NPEPPS: variants seen among roughly 807,000 people sequenced by gnomAD.
The protein encoded by NPEPPS is aminopeptidase puromycin sensitive.
In NPEPPS, 14 loss-of-function variants were observed where a neutral mutation model predicts 115.5. That is an observed-to-expected ratio of 0.12 (90% CI 0.08 to 0.19). The LOEUF (loss-of-function observed/expected upper bound fraction) is 0.19. Among genes scored for constraint, NPEPPS ranks in the 10% least tolerant of loss-of-function variants. NPEPPS has a pLI of 1.00. For synonymous variants in NPEPPS, 285 were observed against 390.6 expected (o/e 0.73, Z 3.19); for missense variants, 523 against 1,110.8 (o/e 0.47, Z 7.52).
intron 17 of NPEPPS, among the ~76,000 whole-genome samples, chr17:47,611,095 G>T (rs923406003): frequency 1.3e-4 from 20 of 151,450 alleles, no homozygotes; most frequent in African/African-American, 4.8e-4. Flanking sequence ...CTCATGATCC[G>T]CCTGCCTCAG....
chr17:47,609,461 G>C lies in NPEPPS; in HGVS notation c.2096-2999G>C, dbSNP rs115037922. Among the ~76,000 whole-genome samples, 1,079 of 152,246 alleles carry C rather than the reference G, an allele frequency of 7.1e-3. 12 individuals carry two copies. Among genetic ancestry groups the C allele is most frequent in the African/African-American group, 0.025 (1,043 of 41,526 alleles). Reference sequence around the variant, plus strand: ...ATGAAACACGGCAAAATAATAAAATGTTACCTTGCATCACACAGCGTGTTA... The same window carrying C: ...ATGAAACACGGCAAAATAATAAAATCTTACCTTGCATCACACAGCGTGTTA... On this transcript the variant is annotated intron_variant, in intron 17 of 22. Coordinates refer to ENST00000322157, the MANE Select transcript of NPEPPS (RefSeq NM_006310.4).
intron 22 of NPEPPS, 126 bp downstream of exon 22, chr17:47,619,910 A>G: frequency 1.2e-6 from 1 of 804,944 alleles, no homozygotes; most frequent in Non-Finnish European, 2.1e-6. Flanking sequence ...GAAAGACATC[A>G]TGCAGGGCTG....
chr17:47,588,796 ACTATT>A (rs1215932988), intron 9 of NPEPPS, among the ~76,000 whole-genome samples: 1 of 152,132 alleles, frequency 6.6e-6, no homozygotes, highest in Non-Finnish European at 1.5e-5. Context: ...GTTTTATGTA[ACTATT>A]CTAGTTATTA....
At chr17:47,539,950 AT>A (rs1454826779) in intron 1 of NPEPPS, among the ~76,000 whole-genome samples, 2 of 152,002 alleles carry the variant, frequency 1.3e-5, no homozygotes, top group Non-Finnish European at 2.9e-5. Flanking sequence ...CACACTGGAG[AT>A]TTTCTTTTAC....
chr17:47,568,552 A>G (rs1483053352), intron 2 of NPEPPS, among the ~76,000 whole-genome samples: 9 of 150,288 alleles, frequency 6.0e-5, no homozygotes, highest in African/African-American at 2.2e-4. Context: ...AACATGTCCA[A>G]GCATCCTAAA....
At chr17:47,533,950 CAT>C (rs1211794096) in intron 1 of NPEPPS, among the ~76,000 whole-genome samples, 1 of 152,048 alleles carries the variant, frequency 6.6e-6, no homozygotes, top group Non-Finnish European at 1.5e-5. Flanking sequence ...TACTAATTGA[CAT>C]GTTTGGAAGG....
intron 3 of NPEPPS, among the ~76,000 whole-genome samples, chr17:47,569,783 A>G (rs564548864): frequency 6.6e-6 from 1 of 151,956 alleles, no homozygotes; most frequent in African/African-American, 2.4e-5. Context: ...ACACCGGCTA[A>G]TTTTTTTGTA....
chr17:47,581,264 G>A (rs1003273735), intron 4 of NPEPPS: 2 of 151,946 alleles, frequency 1.3e-5, no homozygotes, highest in African/African-American at 4.8e-5. Flanking sequence ...TTTAAACCAG[G>A]TGTTCACTTT....
intron 14 of NPEPPS, 147 bp from the exon 15 acceptor site, chr17:47,601,461 T>TGCAA: frequency 1.3e-6 from 1 of 777,980 alleles, no homozygotes; most frequent in South Asian, 1.6e-5. Flanking sequence ...ACTATTCAGG[T>TGCAA]TATCTGGAAG....
At chr17:47,596,901 A>G (rs2143897933) in intron 13 of NPEPPS, among the ~76,000 whole-genome samples, 1 of 152,312 alleles carries the variant, frequency 6.6e-6, no homozygotes, top group Admixed American at 6.5e-5. Context: ...TACAGAAATT[A>G]GCTGAGCATG....
Position 47,623,100 on chromosome 17 carries a change from T to C in NPEPPS, c.*1180T>C, listed in dbSNP as rs1205540247. On this transcript the variant is annotated 3_prime_UTR_variant, in exon 23 of 23. Coordinates refer to ENST00000322157, the MANE Select transcript of NPEPPS (RefSeq NM_006310.4). ...CTTCTTTCCCTACCTTTTTTTTCTT[T>C]TTTTCTTAAAAAAATATTTTGTGTT... 2 of 257,800 alleles carry C rather than the reference T, an allele frequency of 7.8e-6. No homozygotes were observed. The highest frequency in any genetic ancestry group is 4.7e-5 in the African/African-American group (2 of 42,922). The allele number at this position is 257,800 out of a possible 1,614,324, so 16.0% of individuals were successfully genotyped here.
intron 1 of NPEPPS, among the ~76,000 whole-genome samples, chr17:47,541,433 A>G (rs1049095970): frequency 2.7e-5 from 4 of 150,882 alleles, no homozygotes; most frequent in East Asian, 1.9e-4. Context: ...TTGGAGTGCA[A>G]TGGCGCGATT....
intron 19 of NPEPPS, among the ~76,000 whole-genome samples, chr17:47,616,849 A>G (rs1483158648): frequency 1.3e-5 from 2 of 151,366 alleles, no homozygotes; most frequent in Non-Finnish European, 2.9e-5. Flanking sequence ...CTTCTTATAA[A>G]TTAAAATTGT....
chr17:47,583,871 G>A (rs11658705), intron 5 of NPEPPS, among the ~76,000 whole-genome samples: 2 of 151,578 alleles, frequency 1.3e-5, no homozygotes, highest in African/African-American at 2.4e-5. Context: ...ACAGGGAGCC[G>A]TGATTGTGCC....
At position 47,564,459 on chromosome 17, in the gene NPEPPS, C is replaced by T. The variant is rs188615071; in HGVS notation, c.341-4958C>T. ...TAGAGAATTGAATAATCGTATATAC[C>T]TTATAAGATTCTCTCATACTCCATT... On this transcript the variant is annotated intron_variant, in intron 2 of 22. Transcript: ENST00000322157. Among the ~76,000 whole-genome samples the T allele has an allele frequency of 3.1e-3, 469 of 151,968 alleles. 6 individuals carry two copies. The highest frequency in any genetic ancestry group is 0.011 in the African/African-American group (449 of 41,464).
intron 2 of NPEPPS, among the ~76,000 whole-genome samples, chr17:47,554,653 C>T (rs2143748594): frequency 6.6e-6 from 1 of 152,246 alleles, no homozygotes; most frequent in Non-Finnish European, 1.5e-5. Flanking sequence ...AGCCACTGTG[C>T]CCAGCCTCTC....
intron 9 of NPEPPS, among the ~76,000 whole-genome samples, chr17:47,587,563 A>G (rs1432097875): frequency 1.3e-5 from 2 of 152,028 alleles, no homozygotes; most frequent in Non-Finnish European, 2.9e-5. Context: ...CACTTCCTAA[A>G]CTGTTCTAAA....
upstream of NPEPPS, among the ~76,000 whole-genome samples, chr17:47,527,881 A>C (rs143632811): frequency 2.0e-5 from 3 of 147,828 alleles, no homozygotes; most frequent in East Asian, 4.2e-4. Flanking sequence ...CCCGGGGGGC[A>C]GAGGTTGCAG....
At chr17:47,553,868 A>C (rs1909820686) in intron 2 of NPEPPS, among the ~76,000 whole-genome samples, 1 of 150,816 alleles carries the variant, frequency 6.6e-6, no homozygotes, top group Non-Finnish European at 1.5e-5. Flanking sequence ...CTCCTGCCCT[A>C]GCCTCCTGAG....
Sources: gnomAD v4.1 joint callset for allele counts (sites outside exome capture counted in the v4.1 genomes callset) on GRCh38, gnomAD v4.1.1 for gene constraint, MANE v1.5 for transcripts, NCBI Gene and HGNC (gene_info 2026-07-23, HGNC 2026-07-21) for gene names.